Variants in COL24A1 observed in about 807,000 individuals in gnomAD.
COL24A1 encodes the protein collagen alpha-1(XXIV) chain.
A neutral mutation model predicts 253.9 loss-of-function variants in COL24A1; 224 were observed. The observed-to-expected ratio is 0.88, with a 90% CI of 0.79 to 0.99. COL24A1 has a LOEUF of 0.99. Among genes scored for constraint, COL24A1 ranks in the 50% least tolerant of loss-of-function variants. COL24A1 has a pLI of 0.00. For synonymous variants in COL24A1, 685 were observed against 673.7 expected (o/e 1.02, Z -0.26); for missense variants, 2,131 against 2,068.5 (o/e 1.03, Z -0.59).
intron 9 of COL24A1, 39 bp from the exon 10 acceptor site, chr1:86,058,014 C>G (rs751300277): frequency 6.5e-7 from 1 of 1,549,036 alleles, no homozygotes; most frequent in Non-Finnish European, 8.8e-7. Flanking sequence ...TACTACAGTA[C>G]TTTTTAAAGA....
chr1:86,107,682 C>T (rs1404891589), intron 5 of COL24A1, among the ~76,000 whole-genome samples: 3 of 151,904 alleles, frequency 2.0e-5, no homozygotes, highest in Admixed American at 6.5e-5. Context: ...CTACAGGCGC[C>T]TCCCACCACG....
intron 57 of COL24A1, among the ~76,000 whole-genome samples, chr1:85,738,094 C>T (rs1664244854): frequency 6.6e-6 from 1 of 152,034 alleles, no homozygotes; most frequent in Non-Finnish European, 1.5e-5. Flanking sequence ...GAATTGATTG[C>T]TTCATTCTAC....
chr1:86,146,294 G>A (rs1271547780), intron 1 of COL24A1, 111 bp from the exon 2 acceptor site: 4 of 813,468 alleles, frequency 4.9e-6, no homozygotes, highest in Non-Finnish European at 7.8e-6. Context: ...ATTTTAAATA[G>A]CATGATATTT....
intron 53 of COL24A1, among the ~76,000 whole-genome samples, chr1:85,772,276 A>G (rs1668063469): frequency 6.6e-6 from 1 of 151,848 alleles, no homozygotes; most frequent in Admixed American, 6.6e-5. Context: ...CACACCAGTT[A>G]GAATGGCAAT....
chr1:85,881,159 T>C (rs2102656190), intron 32 of COL24A1, among the ~76,000 whole-genome samples: 1 of 152,352 alleles, frequency 6.6e-6, no homozygotes, highest in Non-Finnish European at 1.5e-5. Flanking sequence ...TGAGATAACC[T>C]GGAACCAGTA....
At chr1:85,768,257 A>G (rs183554750) in intron 53 of COL24A1, among the ~76,000 whole-genome samples, 2 of 152,288 alleles carry the variant, frequency 1.3e-5, no homozygotes, top group African/African-American at 4.8e-5. Flanking sequence ...GGGCCAGTTC[A>G]TGTAGGGCCT....
chr1:86,031,706 A>C (rs892353863), intron 14 of COL24A1, among the ~76,000 whole-genome samples, 172 bp downstream of exon 14: 1 of 151,878 alleles, frequency 6.6e-6, no homozygotes, highest in South Asian at 2.1e-4. Flanking sequence ...TTTGACTTAT[A>C]CTACTGGTCT....
Position 86,029,492 on chromosome 1 carries a change from T to C in COL24A1, c.2049+2386A>G, listed in dbSNP as rs1169044415. 2.6e-5 allele frequency among the ~76,000 whole-genome samples: 4 copies of C among 152,248 alleles called. No individual in the cohort carries two copies. The East Asian group carries it at 7.7e-4, about 29-fold the overall frequency. On this transcript the variant is annotated intron_variant, in intron 14 of 59. Transcript: ENST00000370571. ...AAATGTTTCAGACTCACACAGGTTCTTTGACTCTAAATCCCATACTCATGT... is the reference window on the plus strand; with the variant it reads ...AAATGTTTCAGACTCACACAGGTTCCTTGACTCTAAATCCCATACTCATGT...
At chr1:86,107,590 A>G (rs947884995) in intron 5 of COL24A1, among the ~76,000 whole-genome samples, 2 of 151,756 alleles carry the variant, frequency 1.3e-5, no homozygotes, top group Non-Finnish European at 2.9e-5. Flanking sequence ...GCTGGAGTGC[A>G]GTGGCCCGAT....
intron 26 of COL24A1, among the ~76,000 whole-genome samples, chr1:85,909,439 A>G (rs1685161146): frequency 1.3e-5 from 2 of 151,890 alleles, no homozygotes; most frequent in African/African-American, 4.8e-5. Flanking sequence ...GATGTAACCC[A>G]AATATAAAAT....
chr1:85,783,679 G>A (rs1342482149), intron 50 of COL24A1, 121 bp from the exon 51 acceptor site: 2 of 865,924 alleles, frequency 2.3e-6, no homozygotes, highest in East Asian at 5.2e-5. Context: ...TGTTGTGCAT[G>A]CTGAAGAATT....
At chr1:86,156,962 G>A (rs1332767105), upstream of COL24A1, 1 of 152,322 alleles carries the variant, frequency 6.6e-6, no homozygotes, top group Admixed American at 6.5e-5. Flanking sequence ...GACTGCCGCC[G>A]GCTGCTTTGC....
intron 22 of COL24A1, among the ~76,000 whole-genome samples, chr1:85,967,751 G>A (rs978728639): frequency 6.6e-6 from 1 of 152,158 alleles, no homozygotes; most frequent in African/African-American, 2.4e-5. Context: ...TCCCTTGCTT[G>A]CACAGTTCAC....
intron 28 of COL24A1, among the ~76,000 whole-genome samples, chr1:85,898,122 A>G (rs1170036482): frequency 6.6e-6 from 1 of 152,232 alleles, no homozygotes; most frequent in Non-Finnish European, 1.5e-5. Context: ...GAAGACTGGG[A>G]CTTATAAGGT....
intron 35 of COL24A1, among the ~76,000 whole-genome samples, chr1:85,871,067 C>T (rs1383893874): frequency 6.6e-6 from 1 of 152,180 alleles, no homozygotes; most frequent in Non-Finnish European, 1.5e-5. Flanking sequence ...ATACTACAAA[C>T]ACCCCTATGC....
chr1:86,154,139 C>G (rs762191047), intron 1 of COL24A1: 7 of 152,056 alleles, frequency 4.6e-5, no homozygotes, highest in Non-Finnish European at 8.8e-5. Flanking sequence ...AAATCCAGCC[C>G]CCCCGCCCCA....
Position 85,730,371 on chromosome 1 carries a change from C to G in COL24A1, c.*175G>C. ...ATTAAATACTTTATCAATCATAGTC[C>G]TTTAAAAATGCCTTTTCTCCTTCTT... On this transcript the variant is annotated 3_prime_UTR_variant, in exon 60 of 60. Transcript: ENST00000370571. The G allele has an allele frequency of 1.8e-6, 1 of 556,026 alleles. No homozygotes were observed. The highest frequency in any genetic ancestry group is 3.0e-6 in the Non-Finnish European group (1 of 328,128). The allele number at this position is 556,026 out of a possible 1,614,324, so 34.4% of individuals were successfully genotyped here. A position where few individuals can be genotyped will look rare whatever the true frequency, so the allele number is the denominator to read the frequency against.
In COL24A1 at chr1:86,022,578, G is replaced by A. The variant is rs750073780; in HGVS notation, c.2162C>T (p.Thr721Ile). The A allele has an allele frequency of 1.2e-6, 2 of 1,612,994 alleles. No homozygotes were observed. The highest frequency in any genetic ancestry group is 1.7e-5 in the Admixed American group (1 of 59,904). ...GIKGDKGEQG[T>I]AGELGEPGYP... ...CCCGGGTTCTCCTAGCTCTCCTGCT[G>A]TGCCTTGTTCACCCTGGAAAGCACA... The change falls in exon 17 of 60, where the codon ACA becomes ATA. Residue 721 changes from threonine (T) to isoleucine (I), a missense_variant. Physicochemically the swap from Thr to Ile is moderately conservative, Grantham distance 89. Coordinates refer to ENST00000370571, the MANE Select transcript of COL24A1 (RefSeq NM_152890.7).
rs773642410 is a variant in COL24A1 at position 85,842,115 on chromosome 1, G to C, written c.3523C>G (p.Gln1175Glu). 9.9e-6 allele frequency: 16 copies of C among 1,613,496 alleles called. No homozygotes were observed. In the Admixed American group the frequency reaches 1.3e-4, roughly 13 times the overall value. Residue 1175 changes from glutamine (Q) to glutamate (E), a missense_variant, in exon 41 of 60, where the codon CAG becomes GAG. Physicochemically the swap from Gln to Glu is conservative, Grantham distance 29. Coordinates refer to ENST00000370571, the MANE Select transcript of COL24A1 (RefSeq NM_152890.7). ...AATCCAGAGGGTCCTGGTTGGCCCTGATGGCCCTACGAAAGGACAAGTAGA... is the reference window on the plus strand; with the variant it reads ...AATCCAGAGGGTCCTGGTTGGCCCTCATGGCCCTACGAAAGGACAAGTAGA... ...EPGIPGYRGH[Q>E]GQPGPSGLPG... is the part of the protein sequence containing the mutation.
Sources: allele counts gnomAD v4.1 joint callset (sites outside exome capture counted in the v4.1 genomes callset), GRCh38; gene constraint gnomAD v4.1.1; transcripts MANE v1.5; gene names NCBI Gene and HGNC (gene_info 2026-07-23, HGNC 2026-07-21).